Variants in RNF213 observed in about 807,000 individuals in gnomAD.
RNF213 encodes E3 ubiquitin-protein ligase RNF213.
RNF213 carries 341 observed loss-of-function variants against 514.4 expected under a neutral mutation model. The ratio of observed to expected loss-of-function variants is 0.66; its 90% CI spans 0.61 to 0.73. The LOEUF (loss-of-function observed/expected upper bound fraction) is 0.73. Among genes scored for constraint, RNF213 ranks in the 30% least tolerant of loss-of-function variants. The probability of loss-of-function intolerance (pLI) is 0.00; values close to 1 mark genes in which losing one functional copy is unlikely to be tolerated. For missense variants in RNF213, 5,767 were observed against 6,615.6 expected, an observed-to-expected ratio of 0.87 and a Z score of 4.45; for synonymous variants, 2,655 against 2,658.2, an observed-to-expected ratio of 1.00 and a Z score of 0.04.
Position 80,307,170 on chromosome 17 carries a change from C to T in RNF213, c.2470C>T (p.Leu824=), listed in dbSNP as rs558528237. The T allele has an allele frequency of 1.2e-6, 2 of 1,613,716 alleles. No homozygotes were observed. Among genetic ancestry groups the T allele is most frequent in the South Asian group, 1.1e-5 (1 of 91,066 alleles). The change falls in exon 13 of 68, where the codon CTG becomes TTG. Residue 824 remains leucine, a synonymous_variant. Transcript: ENST00000582970. Reference sequence around the variant, plus strand: ...GAACGTTCAGAACATTTTAGAAATGCTGTTGCGACTCCTGGACACTTACCG... The same window carrying T: ...GAACGTTCAGAACATTTTAGAAATGTTGTTGCGACTCCTGGACACTTACCG... ...VQNVQNILEM[L]LRLLDTYRDK... is the part of the protein sequence containing the mutation.
At position 80,386,884 on chromosome 17, in the gene RNF213, G is replaced by C. The variant is rs767930136; in HGVS notation, c.14915G>C (p.Ser4972Thr). Residue 4972 changes from serine to threonine, a missense_variant, in exon 63 of 68, where the codon AGC (serine) becomes ACC (threonine). By Grantham distance (58) the Ser-to-Thr change is moderately conservative (BLOSUM62 1). Coordinates refer to ENST00000582970, the MANE Select transcript of RNF213 (RefSeq NM_001256071.3). The stretch of plus-strand genomic sequence containing the variant: ...TTCCTCCAGGGCAAGCCCCGGCTGA[G>C]CCTCAAGGTAGGGCTGACTCCTGCC... Reference protein sequence around the residue: ...SRFLQGKPRLSLKGIPTLVYR... With the variant: ...SRFLQGKPRLTLKGIPTLVYR... 62 of 1,611,542 alleles carry C rather than the reference G, an allele frequency of 3.8e-5. No individual in the cohort carries two copies. The highest frequency in any genetic ancestry group is 4.7e-5 in the Non-Finnish European group (55 of 1,179,282).
rs929282514 is a variant in RNF213 at position 80,373,506 on chromosome 17, G to A, written c.12942+341G>A. ...TTACACTGCCTGCTGTAGGGCCAAG[G>A]TGAGGGCACTCACCTCAGAGCTTCT... On this transcript the variant is annotated intron_variant, in intron 49 of 67. Coordinates refer to ENST00000582970, the MANE Select transcript of RNF213 (RefSeq NM_001256071.3). Among the ~76,000 whole-genome samples, 5 of 151,952 alleles carry A rather than the reference G, an allele frequency of 3.3e-5. No individual in the cohort carries two copies. In the East Asian group the frequency reaches 9.6e-4, roughly 29 times the overall value.
Position 80,337,967 on chromosome 17 carries a change from TAAC to T in RNF213, c.4808_4810del (p.Asn1603del), listed in dbSNP as rs1320643847. 2 of 1,537,286 alleles carry T rather than the reference TAAC, an allele frequency of 1.3e-6. No homozygotes were observed. Among genetic ancestry groups the T allele is most frequent in the Non-Finnish European group, 8.7e-7 (1 of 1,146,926 alleles). ...TGCTGATGTCTGGCAAGAAGGATCG[TAAC>T]AACACGGAAGTGGAGAGGTTTTCAG... On this transcript the variant is annotated inframe_deletion, in exon 25 of 68. Transcript: ENST00000582970.
chr17:80,312,667 C>T (rs935524694), intron 14 of RNF213, among the ~76,000 whole-genome samples: 3 of 152,190 alleles, frequency 2.0e-5, no homozygotes, highest in Non-Finnish European at 2.9e-5. Context: ...GTCTGCAGGG[C>T]CCCTCTCTGG....
intron 2 of RNF213, among the ~76,000 whole-genome samples, chr17:80,270,201 A>G (rs2043772574): frequency 6.6e-6 from 1 of 152,200 alleles, no homozygotes. Flanking sequence ...CTAGTGGAGG[A>G]CGGACCTCAG....
intron 49 of RNF213, 72 bp downstream of exon 49, chr17:80,373,237 C>G: frequency 7.5e-7 from 1 of 1,329,024 alleles, no homozygotes; most frequent in Non-Finnish European, 1.0e-6. Context: ...CCACACACCC[C>G]CCTACCCTCA....
rs768198475 is a variant in RNF213 at position 80,290,468 on chromosome 17, T to A, written c.1113-102T>A. 3.6e-6 allele frequency: 5 copies of A among 1,380,462 alleles called. No individual in the cohort carries two copies. The South Asian group carries it at 5.8e-5, about 16-fold the overall frequency. The allele number at this position is 1,380,462 out of a possible 1,614,324, so 85.5% of individuals were successfully genotyped here. A position where few individuals can be genotyped will look rare whatever the true frequency, so the allele number is the denominator to read the frequency against. On this transcript the variant is annotated intron_variant, in intron 6 of 67. Transcript: ENST00000582970. The stretch of plus-strand genomic sequence containing the variant: ...GTGTGTGTGCGAGTGCATGTGTGTG[T>A]GCACGTGTGTGTGCGCACGTGTGTG...
At chr17:80,281,206 TCA>T (rs1169997326) in intron 3 of RNF213, among the ~76,000 whole-genome samples, 7 of 56,126 alleles carry the variant, frequency 1.2e-4, no homozygotes, top group Non-Finnish European at 1.9e-4. Flanking sequence ...CTCACACCAC[TCA>T]CACACACCCC....
Position 80,311,572 on chromosome 17 carries a change from C to T in RNF213, c.2656-1440C>T, listed in dbSNP as rs537985231. On this transcript the variant is annotated intron_variant, in intron 14 of 67. Transcript: ENST00000582970. ...TTCACAGCAGCACCTGCATCCTGGT[C>T]CCTCTTACATGCTTTGAAAGCTCCT... Among the ~76,000 whole-genome samples, 16 of 152,364 alleles carry T rather than the reference C, an allele frequency of 1.1e-4. No homozygotes were observed. In the East Asian group the frequency reaches 2.9e-3, roughly 28 times the overall value.
chr17:80,262,024 T>C (rs543251194), intron 1 of RNF213, among the ~76,000 whole-genome samples: 6 of 152,200 alleles, frequency 3.9e-5, no homozygotes, highest in Admixed American at 3.9e-4. Flanking sequence ...AAAATGCTTT[T>C]TGGAGGATTT....
intron 18 of RNF213, among the ~76,000 whole-genome samples, chr17:80,325,856 T>C (rs1410640698): frequency 2.0e-5 from 3 of 152,196 alleles, no homozygotes; most frequent in African/African-American, 4.8e-5. Context: ...TCAGGGAAGC[T>C]GTGGGGATCA....
intron 14 of RNF213, 55 bp downstream of exon 14, chr17:80,309,226 G>A: frequency 6.2e-7 from 1 of 1,606,730 alleles, no homozygotes; most frequent in Admixed American, 1.7e-5. Flanking sequence ...GGAATTTCAA[G>A]CAGCCTCAAT....
chr17:80,353,567 C>T lies in RNF213; in HGVS notation c.10479C>T (p.Ala3493=). ...DGHEEAMETE[A]STSGEVAEVA... ...ATGAGGAGGCGATGGAGACGGAGGCCAGCACATCAGGGGAGGTGGCAGAGG... is the reference window on the plus strand; with the variant it reads ...ATGAGGAGGCGATGGAGACGGAGGCTAGCACATCAGGGGAGGTGGCAGAGG... The change falls in exon 34 of 68, where the codon GCC becomes GCT. Residue 3493 remains alanine, a synonymous_variant. Coordinates refer to ENST00000582970, the MANE Select transcript of RNF213 (RefSeq NM_001256071.3). This position sits in a 1 kb window ranked among gnomAD's most constrained non-coding sequence, Gnocchi z 5.0. 7 of 1,613,842 alleles carry T rather than the reference C, an allele frequency of 4.3e-6. No homozygotes were observed. Among genetic ancestry groups the T allele is most frequent in the Non-Finnish European group, 5.9e-6 (7 of 1,179,872 alleles).
Position 80,377,760 on chromosome 17 carries a change from A to T in RNF213, c.13511-2A>T. 6.2e-7 allele frequency: 1 copy of T among 1,614,154 alleles called. No individual in the cohort carries two copies. The highest frequency in any genetic ancestry group is 2.2e-5 in the East Asian group (1 of 44,884). ...CCAATGTGTGTCCTGTTCTCTTCACAGCTTGTCCCAACGGCCATCCTTGCT... is the reference window on the plus strand; with the variant it reads ...CCAATGTGTGTCCTGTTCTCTTCACTGCTTGTCCCAACGGCCATCCTTGCT... On this transcript the variant is annotated splice_acceptor_variant, in intron 53 of 67. Transcript: ENST00000582970. LOFTEE classifies it high-confidence loss of function. This position sits in a 1 kb window ranked among gnomAD's most constrained non-coding sequence, Gnocchi z 4.1.
chr17:80,272,213 G>A lies in RNF213; in HGVS notation c.98-1028G>A, dbSNP rs948626986. Among the ~76,000 whole-genome samples, 26 of 152,246 alleles carry A rather than the reference G, an allele frequency of 1.7e-4. 1 individual carries two copies. Among genetic ancestry groups the A allele is most frequent in the African/African-American group, 6.0e-4 (25 of 41,542 alleles). The stretch of plus-strand genomic sequence containing the variant: ...GCAGGAGAATTGCTTGAACCTGGGA[G>A]GCAGAGGTTGCAGTGAGCCAAGATT... On this transcript the variant is annotated intron_variant, in intron 2 of 67. Transcript: ENST00000582970.
At chr17:80,358,235 C>T (rs942408823) in intron 36 of RNF213, 53 bp from the exon 37 acceptor site, 93 of 1,532,268 alleles carry the variant, frequency 6.1e-5, no homozygotes, top group Non-Finnish European at 7.8e-5. Flanking sequence ...GGTGGCAGAC[C>T]GCCACTCTGG....
At position 80,369,535 on chromosome 17, in the gene RNF213, G is replaced by C. The variant is rs969914372; in HGVS notation, c.12189G>C (p.Gln4063His). 1.2e-6 allele frequency: 2 copies of C among 1,614,110 alleles called. No homozygotes were observed. Among genetic ancestry groups the C allele is most frequent in the South Asian group, 2.2e-5 (2 of 91,074 alleles). ...TTGAAAAGCATGCCCGCTTCCGGCA[G>C]ATGTGCAACAGTTTCTTCGTAGACC... ...EAIEKHARFR[Q>H]MCNSFFVDLV... is the part of the protein sequence containing the mutation. Residue 4063 changes from glutamine to histidine, a missense_variant, in exon 45 of 68, where the codon CAG (glutamine) becomes CAC (histidine). This residue lies in a region of RNF213 where 93 missense variants were observed against 95.6 expected (regional missense o/e 0.97). Transcript: ENST00000582970.
At chr17:80,369,467 A>C (rs758036652) in intron 44 of RNF213, 35 bp from the exon 45 acceptor site, 1 of 1,604,662 alleles carries the variant, frequency 6.2e-7, no homozygotes, top group South Asian at 1.1e-5. Context: ...TTTGGGAAAC[A>C]CCATCCACCT....
rs147301132 is a variant in RNF213 at position 80,369,354 on chromosome 17, C to T, written c.12156-148C>T. 2.0e-3 allele frequency: 1,587 copies of T among 798,248 alleles called. 6 individuals are homozygous for T. The highest frequency in any genetic ancestry group is 7.5e-3 in the Middle Eastern group (21 of 2,786). 49.4% of individuals were successfully genotyped at this position (798,248 alleles called of 1,614,324 possible). On this transcript the variant is annotated intron_variant, in intron 44 of 67. Transcript: ENST00000582970. ...TGGAGGTTGCAGTGAGCGGAGATCG[C>T]GCCACTGTACTCCAGCCTGGGCAAC...
Sources: allele counts gnomAD v4.1 joint callset (sites outside exome capture counted in the v4.1 genomes callset), GRCh38; gene constraint gnomAD v4.1.1; regional missense constraint gnomAD v4.1.1; non-coding constraint Gnocchi (gnomAD v3.1); transcripts MANE v1.5; gene names NCBI Gene and HGNC (gene_info 2026-07-23, HGNC 2026-07-21).